Variants in CSMD1 observed in about 807,000 individuals in gnomAD.
CSMD1 encodes CUB and sushi domain-containing protein 1.
CSMD1 carries 213 observed loss-of-function variants against 417.5 expected under a neutral mutation model. The observed-to-expected ratio is 0.51, with a 90% CI of 0.46 to 0.57. The LOEUF (loss-of-function observed/expected upper bound fraction) is 0.57, where lower values mean the gene tolerates loss of function less well. Among genes scored for constraint, CSMD1 ranks in the 20% least tolerant of loss-of-function variants. The pLI, the probability that CSMD1 is intolerant of heterozygous loss-of-function variation, is 0.00. For missense variants in CSMD1, 6,923 were observed against 4,529.7 expected (o/e 1.53, Z -15.17); for synonymous variants, 2,862 against 1,736.8 (o/e 1.65, Z -16.11).
At chr8:3,615,465 C>T (rs886239427) in intron 8 of CSMD1, among the ~76,000 whole-genome samples, 10 of 152,126 alleles carry the variant, frequency 6.6e-5, no homozygotes, top group Admixed American at 3.9e-4. Context: ...TGGATTTCAG[C>T]GAAAACACAA....
At chr8:4,922,499 A>T (rs187097794) in intron 1 of CSMD1, among the ~76,000 whole-genome samples, 1 of 152,332 alleles carries the variant, frequency 6.6e-6, no homozygotes, top group Non-Finnish European at 1.5e-5. Flanking sequence ...CTACCTTAAA[A>T]TTTGACTCGT....
At chr8:4,369,561 T>G (rs1413316207) in intron 3 of CSMD1, among the ~76,000 whole-genome samples, 1 of 152,190 alleles carries the variant, frequency 6.6e-6, no homozygotes, top group African/African-American at 2.4e-5. Flanking sequence ...CCAGTATTAT[T>G]GAGTGGTTGT....
chr8:4,386,202 T>A (rs1309980099), intron 3 of CSMD1, among the ~76,000 whole-genome samples: 1 of 151,884 alleles, frequency 6.6e-6, no homozygotes, highest in Non-Finnish European at 1.5e-5. Flanking sequence ...CTACCTTCCA[T>A]CCCTGGTTAT....
intron 18 of CSMD1, among the ~76,000 whole-genome samples, chr8:3,382,530 AATAT>A (rs950614519): frequency 8.1e-6 from 1 of 123,564 alleles, no homozygotes; most frequent in African/African-American, 3.0e-5. Context: ...AATTTATATA[AATAT>A]ATATTTATTA....
intron 10 of CSMD1, among the ~76,000 whole-genome samples, chr8:3,535,514 T>G (rs766470027): frequency 6.6e-6 from 1 of 151,942 alleles, no homozygotes; most frequent in South Asian, 2.1e-4. Context: ...GGACATAGAG[T>G]GTGACCTGTA....
chr8:4,739,737 G>C (rs187781723), intron 1 of CSMD1, among the ~76,000 whole-genome samples: 1 of 152,020 alleles, frequency 6.6e-6, no homozygotes, highest in Non-Finnish European at 1.5e-5. Context: ...GTGGTACTTT[G>C]CTCCCTATCC....
rs1202166677 is a variant in CSMD1 at position 4,070,077 on chromosome 8, G to C, written c.416-37978C>G. Among the ~76,000 whole-genome samples the C allele has an allele frequency of 5.3e-5, 8 of 151,686 alleles. No homozygotes were observed. In the East Asian group the frequency reaches 1.4e-3, roughly 26 times the overall value. ...TACTTTTCGCAGTGTTTTAGTGTTT[G>C]CTCTTGGAATTAAAGAAACACCCAA... On this transcript the variant is annotated intron_variant, in intron 3 of 69. Transcript: ENST00000635120.
At chr8:3,785,740 C>G (rs1204115859) in intron 5 of CSMD1, among the ~76,000 whole-genome samples, 1 of 151,992 alleles carries the variant, frequency 6.6e-6, no homozygotes, top group East Asian at 1.9e-4. Flanking sequence ...GTGCGGGGAG[C>G]CAGGAGCTAG....
At chr8:4,917,683 G>A (rs968419945) in intron 1 of CSMD1, among the ~76,000 whole-genome samples, 5 of 152,058 alleles carry the variant, frequency 3.3e-5, no homozygotes, top group Non-Finnish European at 7.4e-5. Flanking sequence ...AAGAGATTTG[G>A]ATGGGGGCAT....
chr8:4,241,358 C>T lies in CSMD1; in HGVS notation c.415+178595G>A, dbSNP rs762314795. Among the ~76,000 whole-genome samples the T allele has an allele frequency of 1.9e-4, 29 of 152,346 alleles. 1 individual carries two copies. The South Asian group carries it at 2.7e-3, about 14-fold the overall frequency. On this transcript the variant is annotated intron_variant, in intron 3 of 69. Transcript: ENST00000635120. ...CTATTTTTCCTTCAGTTCTCACCTTCGAGTAGCAGGTCCTCAGGGAAACCC... is the reference window on the plus strand; with the variant it reads ...CTATTTTTCCTTCAGTTCTCACCTTTGAGTAGCAGGTCCTCAGGGAAACCC...
At chr8:4,957,424 A>G (rs1809192731) in intron 1 of CSMD1, among the ~76,000 whole-genome samples, 1 of 152,344 alleles carries the variant, frequency 6.6e-6, no homozygotes, top group Middle Eastern at 3.4e-3. Flanking sequence ...CGGAAACCCT[A>G]TGTAACAGGC....
chr8:3,037,049 C>A (rs6998328), intron 50 of CSMD1, among the ~76,000 whole-genome samples: 33,927 of 152,002 alleles, frequency 0.22, 4,304 homozygotes, highest in Non-Finnish European at 0.29. Flanking sequence ...GATGGGCTCC[C>A]ACTTAAAAGT....
chr8:4,195,671 G>C (rs763440963), intron 3 of CSMD1, among the ~76,000 whole-genome samples: 34 of 152,304 alleles, frequency 2.2e-4, no homozygotes, highest in Middle Eastern at 3.4e-3. Context: ...TGATGAAGCA[G>C]AGGCTGTGTT....
chr8:4,392,896 G>T (rs1364994701), intron 3 of CSMD1, among the ~76,000 whole-genome samples: 1 of 151,908 alleles, frequency 6.6e-6, no homozygotes, highest in Non-Finnish European at 1.5e-5. Flanking sequence ...TTGAACCCAG[G>T]AGACGGAGCT....
At chr8:4,914,586 A>G (rs1419951963) in intron 1 of CSMD1, among the ~76,000 whole-genome samples, 3 of 4,720 alleles carry the variant, frequency 6.4e-4, no homozygotes, top group Non-Finnish European at 7.0e-4. Flanking sequence ...CCAAAAAGAA[A>G]AAAAAAAAAA....
chr8:4,645,793 C>T (rs867277464), intron 1 of CSMD1, among the ~76,000 whole-genome samples: 1 of 152,134 alleles, frequency 6.6e-6, no homozygotes, highest in Non-Finnish European at 1.5e-5. Flanking sequence ...TGCCTTTACC[C>T]TGTTGTCCTT....
At chr8:4,634,938 T>A (rs906520134) in intron 2 of CSMD1, among the ~76,000 whole-genome samples, 1 of 152,116 alleles carries the variant, frequency 6.6e-6, no homozygotes, top group Admixed American at 6.6e-5. Flanking sequence ...CTCTAAACGG[T>A]TCCCAAAGAA....
At chr8:3,226,600 A>T (rs1385157045) in intron 27 of CSMD1, among the ~76,000 whole-genome samples, 1 of 151,524 alleles carries the variant, frequency 6.6e-6, no homozygotes, top group South Asian at 2.1e-4. Flanking sequence ...AAAAAAAAAA[A>T]AGTCGTTAAT....
intron 49 of CSMD1, among the ~76,000 whole-genome samples, chr8:3,085,170 A>G (rs1814433435): frequency 6.6e-6 from 1 of 152,156 alleles, no homozygotes. Flanking sequence ...CATTTTTATG[A>G]TTATGAAGTC....
Sources: gnomAD v4.1 joint callset for allele counts (sites outside exome capture counted in the v4.1 genomes callset) on GRCh38, gnomAD v4.1.1 for gene constraint, MANE v1.5 for transcripts, NCBI Gene and HGNC (gene_info 2026-07-23, HGNC 2026-07-21) for gene names.